Variants in ENTPD3 observed in about 807,000 individuals in gnomAD.
The protein encoded by ENTPD3 is ectonucleoside triphosphate diphosphohydrolase 3, also known as CD39 antigen-like 3.
Under a neutral mutation model 51.2 loss-of-function variants are expected in ENTPD3, and 60 were observed. The ratio of observed to expected loss-of-function variants is 1.17; its 90% CI spans 0.95 to 1.45. The LOEUF (loss-of-function observed/expected upper bound fraction) is 1.45. Ranked by LOEUF, ENTPD3 falls within the 40% of genes most tolerant of loss-of-function variation. The pLI, the probability that ENTPD3 is intolerant of heterozygous loss-of-function variation, is 0.00. For synonymous variants in ENTPD3, 221 were observed against 238.4 expected (o/e 0.93, Z 0.67); for missense variants, 593 against 641.1 (o/e 0.93, Z 0.81).
At chr3:40,414,417 G>T (rs1955698309) in intron 5 of ENTPD3, among the ~76,000 whole-genome samples, 1 of 152,156 alleles carries the variant, frequency 6.6e-6, no homozygotes, top group South Asian at 2.1e-4. Flanking sequence ...AGATGAGATG[G>T]GTGGGGAGAA....
intron 4 of ENTPD3, among the ~76,000 whole-genome samples, chr3:40,405,739 A>T (rs1331993969): frequency 6.6e-6 from 1 of 152,120 alleles, no homozygotes; most frequent in East Asian, 1.9e-4. Context: ...CCTTATGCAA[A>T]CAGGCTGTCT....
chr3:40,396,251 AAG>A (rs1955196782), intron 3 of ENTPD3, among the ~76,000 whole-genome samples: 2 of 152,234 alleles, frequency 1.3e-5, no homozygotes, highest in African/African-American at 4.8e-5. Flanking sequence ...ACAGCTTTGG[AAG>A]AGAGTGTTCC....
intron 7 of ENTPD3, among the ~76,000 whole-genome samples, chr3:40,419,303 C>T (rs1170748283): frequency 6.6e-6 from 1 of 152,048 alleles, no homozygotes; most frequent in East Asian, 1.9e-4. Context: ...AAATTAGAAC[C>T]ATTCAGATTA....
intron 10 of ENTPD3, among the ~76,000 whole-genome samples, chr3:40,424,604 T>C (rs953634105): frequency 6.6e-6 from 1 of 152,016 alleles, no homozygotes. Context: ...CATATATATA[T>C]ATGATGGTCA....
At chr3:40,415,694 C>T in intron 6 of ENTPD3, 146 bp from the exon 7 acceptor site, 1 of 631,622 alleles carries the variant, frequency 1.6e-6, no homozygotes, top group South Asian at 2.0e-5. Context: ...AATTCACCAC[C>T]TCTAAAAGAA....
At chr3:40,397,247 G>T (rs946192120) in intron 3 of ENTPD3, among the ~76,000 whole-genome samples, 1 of 143,196 alleles carries the variant, frequency 7.0e-6, no homozygotes, top group African/African-American at 2.5e-5. Context: ...AAATAAGAAA[G>T]TCTGCAATGC....
chr3:40,397,119 C>CTTT (rs3064608), intron 3 of ENTPD3, among the ~76,000 whole-genome samples: 46,309 of 100,270 alleles, frequency 0.46, 14,083 homozygotes, highest in Non-Finnish European at 0.61. Context: ...TAATTAGTTT[C>CTTT]TTTTTTTTTT....
intron 8 of ENTPD3, 82 bp from the exon 9 acceptor site, chr3:40,423,209 C>A: frequency 6.5e-7 from 1 of 1,545,232 alleles, no homozygotes; most frequent in Non-Finnish European, 8.9e-7. Context: ...ACTTGTTAGC[C>A]ACCTTCTTAT....
chr3:40,392,416 T>C (rs553033227), intron 3 of ENTPD3: 1 of 403,210 alleles, frequency 2.5e-6, no homozygotes, highest in Non-Finnish European at 4.4e-6. Context: ...AAGCTAAAAT[T>C]TGTAACCAAG....
At chr3:40,388,128 G>T in intron 2 of ENTPD3, 31 bp downstream of exon 2, 2 of 1,612,856 alleles carry the variant, frequency 1.2e-6, no homozygotes, top group South Asian at 1.1e-5. Context: ...AGCAAGCGTG[G>T]TTTTGCCAAA....
At chr3:40,406,598 T>A (rs1955507567) in intron 4 of ENTPD3, among the ~76,000 whole-genome samples, 1 of 152,228 alleles carries the variant, frequency 6.6e-6, no homozygotes, top group South Asian at 2.1e-4. Context: ...TAGGTGATGG[T>A]CAATTTGCCC....
Position 40,427,958 on chromosome 3 carries a change from C to A in ENTPD3, c.*450C>A, listed in dbSNP as rs1420271961. On this transcript the variant is annotated 3_prime_UTR_variant, in exon 11 of 11. Coordinates refer to ENST00000301825, the MANE Select transcript of ENTPD3 (RefSeq NM_001248.4). Reference sequence around the variant, plus strand: ...TTTTCCCATTGGTCTTTAACTAAGACTTTCTTGTAGCAATCTCGTAAGCAG... The same window carrying A: ...TTTTCCCATTGGTCTTTAACTAAGAATTTCTTGTAGCAATCTCGTAAGCAG... The A allele has an allele frequency of 2.1e-5, 4 of 194,392 alleles. No individual in the cohort carries two copies. The highest frequency in any genetic ancestry group is 2.4e-3 in the Middle Eastern group (1 of 416). 12.0% of individuals were successfully genotyped at this position (194,392 alleles called of 1,614,324 possible).
At chr3:40,410,313 T>A (rs1002094753) in intron 4 of ENTPD3, among the ~76,000 whole-genome samples, 6 of 151,868 alleles carry the variant, frequency 4.0e-5, no homozygotes, top group African/African-American at 7.3e-5. Context: ...CGGTGGCACG[T>A]GCCTGTAATC....
At chr3:40,424,281 TA>T (rs1273179089) in intron 10 of ENTPD3, 1 of 473,014 alleles carries the variant, frequency 2.1e-6, no homozygotes, top group African/African-American at 2.1e-5. Context: ...AGGTACTTAG[TA>T]AATGTTGGTT....
chr3:40,428,010 A>G lies in ENTPD3; in HGVS notation c.*502A>G, dbSNP rs1432845052. 1 of 164,844 alleles carries G rather than the reference A, an allele frequency of 6.1e-6. No homozygotes were observed. 10.2% of individuals were successfully genotyped at this position (164,844 alleles called of 1,614,324 possible). On this transcript the variant is annotated 3_prime_UTR_variant, in exon 11 of 11. Coordinates refer to ENST00000301825, the MANE Select transcript of ENTPD3 (RefSeq NM_001248.4). ...GAACCCCCTCAGATCAGTAGAATAT[A>G]GTATCTGGGGGAGAAGACTTACTTC... is the stretch of plus-strand genomic sequence containing the variant.
intron 5 of ENTPD3, among the ~76,000 whole-genome samples, chr3:40,413,869 A>G (rs1186043395): frequency 1.3e-5 from 2 of 152,186 alleles, no homozygotes; most frequent in Non-Finnish European, 2.9e-5. Context: ...GAATTGATGA[A>G]ACTGGGAAAA....
At chr3:40,413,180 G>A (rs1955673346) in intron 5 of ENTPD3, among the ~76,000 whole-genome samples, 1 of 152,158 alleles carries the variant, frequency 6.6e-6, no homozygotes, top group Non-Finnish European at 1.5e-5. Flanking sequence ...TGCTCATGAA[G>A]TTTTCAATTT....
chr3:40,402,932 G>A (rs569268229), intron 4 of ENTPD3, among the ~76,000 whole-genome samples: 18 of 152,092 alleles, frequency 1.2e-4, no homozygotes, highest in Non-Finnish European at 2.1e-4. Context: ...TATCTTCCTC[G>A]TTCGAGCATT....
chr3:40,418,087 G>C (rs1955788841), intron 7 of ENTPD3, among the ~76,000 whole-genome samples: 1 of 152,200 alleles, frequency 6.6e-6, no homozygotes, highest in Non-Finnish European at 1.5e-5. Context: ...ATTTAGGCTT[G>C]AGAATGCCAG....
Sources: gnomAD v4.1 joint callset for allele counts (sites outside exome capture counted in the v4.1 genomes callset) on GRCh38, gnomAD v4.1.1 for gene constraint, MANE v1.5 for transcripts, NCBI Gene and HGNC (gene_info 2026-07-23, HGNC 2026-07-21) for gene names.